NTRK2: variants seen among roughly 807,000 people sequenced by gnomAD.
NTRK2 encodes the protein neurotrophic receptor tyrosine kinase 2, also known as BDNF/NT-3 growth factors receptor.
In NTRK2, 13 loss-of-function variants were observed where a neutral mutation model predicts 94.5. The observed-to-expected ratio is 0.14, with a 90% CI of 0.09 to 0.22. The LOEUF (loss-of-function observed/expected upper bound fraction) is 0.22. NTRK2 is among the 10% of genes least tolerant of loss of function. The pLI is 1.00. For synonymous variants in NTRK2, 372 were observed against 407.4 expected, an observed-to-expected ratio of 0.91 and a Z score of 1.05; for missense variants, 639 against 1,071.2, an observed-to-expected ratio of 0.60 and a Z score of 5.63.
chr9:84,995,289 T>G (rs1829605346), intron 17 of NTRK2, among the ~76,000 whole-genome samples: 1 of 148,624 alleles, frequency 6.7e-6, no homozygotes, highest in African/African-American at 2.5e-5. Flanking sequence ...ACTGTTTTGC[T>G]TTTTTTTTTC....
At chr9:84,931,758 C>T (rs978114659) in intron 14 of NTRK2, among the ~76,000 whole-genome samples, 2 of 149,592 alleles carry the variant, frequency 1.3e-5, no homozygotes, top group African/African-American at 4.9e-5. Context: ...AAATACTTGC[C>T]TTGCTCTGGT....
At chr9:84,830,538 CGT>C (rs60042932) in intron 12 of NTRK2, among the ~76,000 whole-genome samples, 122 of 145,462 alleles carry the variant, frequency 8.4e-4, no homozygotes, top group Admixed American at 1.0e-3. Context: ...AGCATGCATG[CGT>C]GTGTGTGTGT....
chr9:84,870,331 G>GTGTGTGTGTGTGTGTATATATATA (rs1349303529), intron 14 of NTRK2, among the ~76,000 whole-genome samples: 6 of 31,180 alleles, frequency 1.9e-4, no homozygotes, highest in Non-Finnish European at 2.7e-4. Flanking sequence ...GTGTGTGTGT[G>GTGTGTGTGTGTGTGTATATATATA]TATATATATA....
chr9:84,862,270 A>G (rs1469263103), intron 13 of NTRK2, among the ~76,000 whole-genome samples: 2 of 152,210 alleles, frequency 1.3e-5, no homozygotes, highest in Non-Finnish European at 2.9e-5. Context: ...CCAAGATATC[A>G]GAGGGATGAT....
At chr9:84,926,169 C>CCTTTCTTCCTTT (rs2077790824) in intron 14 of NTRK2, among the ~76,000 whole-genome samples, 2 of 38,566 alleles carry the variant, frequency 5.2e-5, no homozygotes, top group Admixed American at 3.1e-4. Flanking sequence ...TTCCTTCCTT[C>CCTTTCTTCCTTT]CTTTCTTTCT....
chr9:84,840,871 C>T (rs1421539386), intron 12 of NTRK2, among the ~76,000 whole-genome samples: 1 of 152,144 alleles, frequency 6.6e-6, no homozygotes, highest in Non-Finnish European at 1.5e-5. Context: ...CCCATAGCCC[C>T]TCCCAGTTCT....
At chr9:84,729,378 T>C (rs2062684206) in intron 9 of NTRK2, among the ~76,000 whole-genome samples, 1 of 152,232 alleles carries the variant, frequency 6.6e-6, no homozygotes, top group Non-Finnish European at 1.5e-5. Context: ...CATTAAATCT[T>C]CCTCTTAATT....
chr9:84,712,974 T>G (rs1439048), intron 6 of NTRK2, among the ~76,000 whole-genome samples: 90,744 of 152,036 alleles, frequency 0.6, 27,331 homozygotes, highest in East Asian at 0.71. Context: ...AAGTGCAAAG[T>G]TTTTTCTAGA....
intron 14 of NTRK2, among the ~76,000 whole-genome samples, chr9:84,888,673 C>T (rs2076496431): frequency 7.1e-6 from 1 of 141,504 alleles, no homozygotes; most frequent in East Asian, 2.2e-4. Context: ...GACTCAAACC[C>T]AGGTTCCCTG....
At chr9:84,853,801 T>G (rs7874649) in intron 12 of NTRK2, among the ~76,000 whole-genome samples, 133,385 of 152,244 alleles carry the variant, frequency 0.88, 58,554 homozygotes, top group African/African-American at 0.92. Flanking sequence ...CCTTCTCTGG[T>G]CTGGGGGTGG....
chr9:84,838,851 C>CT (rs1249599208), intron 12 of NTRK2, among the ~76,000 whole-genome samples: 1 of 151,560 alleles, frequency 6.6e-6, no homozygotes, highest in Admixed American at 6.6e-5. Context: ...TACATACCTT[C>CT]TGCTTCATTG....
chr9:84,718,314 AACTCAG>A (rs1193679652), intron 6 of NTRK2, among the ~76,000 whole-genome samples: 2 of 152,168 alleles, frequency 1.3e-5, no homozygotes, highest in Non-Finnish European at 2.9e-5. Flanking sequence ...CTTAAGCCCC[AACTCAG>A]ACATATTGGA....
chr9:85,026,458 A>G lies in NTRK2; in HGVS notation c.*5021A>G, dbSNP rs991589873. The stretch of plus-strand genomic sequence containing the variant: ...TACAGAAAATGAAATGTAAAGGCCT[A>G]TATCTTGCAGCTTGTATATCTTACT... On this transcript the variant is annotated 3_prime_UTR_variant, in exon 19 of 19. Coordinates refer to ENST00000277120, the MANE Select transcript of NTRK2 (RefSeq NM_006180.6). 3 of 232,400 alleles carry G rather than the reference A, an allele frequency of 1.3e-5. No individual in the cohort carries two copies. The highest frequency in any genetic ancestry group is 5.6e-5 in the Admixed American group (1 of 17,776). 14.4% of individuals were successfully genotyped at this position (232,400 alleles called of 1,614,324 possible). A position where few individuals can be genotyped will look rare whatever the true frequency, so the allele number is the denominator to read the frequency against.
intron 12 of NTRK2, among the ~76,000 whole-genome samples, chr9:84,829,546 G>A (rs1269149117): frequency 6.6e-6 from 1 of 152,134 alleles, no homozygotes; most frequent in Non-Finnish European, 1.5e-5. Flanking sequence ...TGCTCTCCAG[G>A]CCTTCTCAGG....
chr9:84,967,277 C>T (rs888367358), intron 17 of NTRK2, among the ~76,000 whole-genome samples: 5 of 152,240 alleles, frequency 3.3e-5, no homozygotes, highest in Non-Finnish European at 7.3e-5. Flanking sequence ...GCCCCGCAAC[C>T]CCTCTCCACA....
At chr9:84,815,660 G>A in intron 12 of NTRK2, 1 of 996,528 alleles carries the variant, frequency 1.0e-6, no homozygotes, top group Non-Finnish European at 1.2e-6. Context: ...TGTACTTGCT[G>A]AATTCAATCA....
chr9:84,900,214 G>T (rs1326950393), intron 14 of NTRK2, among the ~76,000 whole-genome samples: 1 of 152,066 alleles, frequency 6.6e-6, no homozygotes, highest in Non-Finnish European at 1.5e-5. Flanking sequence ...TGCTGGTTCG[G>T]GTGTTAGAGG....
chr9:84,710,714 C>T lies in NTRK2; in HGVS notation c.506C>T (p.Pro169Leu). The T allele has an allele frequency of 6.2e-7, 1 of 1,614,018 alleles. No homozygotes were observed. Among genetic ancestry groups the T allele is most frequent in the East Asian group, 2.2e-5 (1 of 44,880 alleles). Reference sequence around the variant, plus strand: ...ACTCTCCAAGAGGCTAAATCCAGTCCAGACACTCAGGATTTGTACTGCCTG... The same window carrying T: ...ACTCTCCAAGAGGCTAAATCCAGTCTAGACACTCAGGATTTGTACTGCCTG... ...IKTLQEAKSS[P>L]DTQDLYCLNE... Residue 169 changes from proline to leucine, a missense_variant, in exon 6 of 19, where the codon CCA becomes CTA. Physicochemically the swap from Pro to Leu is moderately conservative, Grantham distance 98 (BLOSUM62 -3). Coordinates refer to ENST00000277120, the MANE Select transcript of NTRK2 (RefSeq NM_006180.6).
At chr9:84,887,268 G>T (rs1318287742) in intron 14 of NTRK2, among the ~76,000 whole-genome samples, 3 of 152,164 alleles carry the variant, frequency 2.0e-5, no homozygotes, top group Admixed American at 2.0e-4. Context: ...TGAATGTGTT[G>T]CTCCTTTTCT....
Sources: allele counts gnomAD v4.1 joint callset (sites outside exome capture counted in the v4.1 genomes callset), GRCh38; gene constraint gnomAD v4.1.1; transcripts MANE v1.5; gene names NCBI Gene and HGNC (gene_info 2026-07-23, HGNC 2026-07-21).